Variants in ARAP2 observed in about 807,000 individuals in gnomAD.
The protein encoded by ARAP2 is ArfGAP with RhoGAP domain, ankyrin repeat and PH domain 2.
In ARAP2, 148 loss-of-function variants were observed where a neutral mutation model predicts 194.5. The observed-to-expected ratio is 0.76, with a 90% CI of 0.67 to 0.87. ARAP2 has a LOEUF of 0.87. Among genes scored for constraint, ARAP2 ranks in the 40% least tolerant of loss-of-function variants. The pLI is 0.00. For synonymous variants in ARAP2, 695 were observed against 683.5 expected (o/e 1.02, Z -0.26); for missense variants, 2,128 against 1,989.7 (o/e 1.07, Z -1.32).
At position 36,159,348 on chromosome 4, in the gene ARAP2, T is replaced by C. The variant is rs1183198240; in HGVS notation, c.2600A>G (p.Tyr867Cys). The change falls in exon 14 of 33, where the codon TAC (tyrosine) becomes TGC (cysteine). Residue 867 changes from tyrosine (Y) to cysteine (C), a missense_variant. By Grantham distance (194) the Tyr-to-Cys change is radical. Coordinates refer to ENST00000303965, the MANE Select transcript of ARAP2 (RefSeq NM_015230.4). ...AGQSLQMEFL[Y>C]HNKFSDFPQH... ...TGACGAACCTGAGAATTTGTTATGG[T>C]AGAGAAATTCCATTTGCAGACTTTG... The C allele has an allele frequency of 1.6e-5, 25 of 1,604,342 alleles. No individual in the cohort carries two copies. The highest frequency in any genetic ancestry group is 1.9e-5 in the Non-Finnish European group (22 of 1,174,292).
chr4:36,119,631 TCTAA>T lies in ARAP2; in HGVS notation c.3963+15_3963+18del. On this transcript the variant is annotated intron_variant, in intron 24 of 32. Transcript: ENST00000303965. ...TTTGTTTTGTTTAATTATTTAGAGA[TCTAA>T]CTATTACTACTCACTTGGGTGTCTT... 1 of 1,537,774 alleles carries T rather than the reference TCTAA, an allele frequency of 6.5e-7. No individual in the cohort carries two copies. The highest frequency in any genetic ancestry group is 9.0e-7 in the Non-Finnish European group (1 of 1,116,348).
chr4:36,133,193 C>G, intron 20 of ARAP2, 33 bp downstream of exon 20: 1 of 1,605,086 alleles, frequency 6.2e-7, no homozygotes, highest in East Asian at 2.2e-5. Context: ...ACAATCAGTT[C>G]TAAGGGTTGA....
At chr4:36,057,020 C>G (rs1389289426) in intron 2 of ARAP2, among the ~76,000 whole-genome samples, 3 of 149,504 alleles carry the variant, frequency 2.0e-5, no homozygotes. Flanking sequence ...ACCAATTTCT[C>G]TCTATCTAAA....
chr4:36,129,433 C>A (rs1233432018), intron 20 of ARAP2, among the ~76,000 whole-genome samples: 1 of 151,874 alleles, frequency 6.6e-6, no homozygotes, highest in Admixed American at 6.6e-5. Flanking sequence ...CTTCTCTGCC[C>A]AATCCCCATT....
chr4:36,229,856 CT>C (rs2109341912), intron 1 of ARAP2, among the ~76,000 whole-genome samples: 2 of 152,190 alleles, frequency 1.3e-5, no homozygotes, highest in Non-Finnish European at 2.9e-5. Context: ...CAAACTATGA[CT>C]TTCAAAAAGG....
chr4:36,083,328 C>T (rs745358491), intron 29 of ARAP2, 40 bp downstream of exon 29: 14 of 1,403,762 alleles, frequency 1.0e-5, no homozygotes, highest in Non-Finnish European at 9.9e-6. Flanking sequence ...ATATTTTTCC[C>T]ATAAGTTTTT....
intron 26 of ARAP2, among the ~76,000 whole-genome samples, chr4:36,111,794 C>A (rs370794037): frequency 6.6e-6 from 1 of 151,904 alleles, no homozygotes; most frequent in African/African-American, 2.4e-5. Flanking sequence ...ATATATAATT[C>A]CTTTCTATCC....
At chr4:36,086,085 T>C (rs1711722250) in intron 28 of ARAP2, among the ~76,000 whole-genome samples, 1 of 152,108 alleles carries the variant, frequency 6.6e-6, no homozygotes, top group South Asian at 2.1e-4. Flanking sequence ...CCTAGCCACC[T>C]GTGTCAGAGG....
chr4:36,212,813 G>A (rs1479742690), intron 4 of ARAP2, among the ~76,000 whole-genome samples: 2 of 151,574 alleles, frequency 1.3e-5, no homozygotes, highest in African/African-American at 4.8e-5. Flanking sequence ...TCAAGACCAA[G>A]AAATAAAGTA....
Position 36,128,548 on chromosome 4 carries a change from A to G in ARAP2, c.3625T>C (p.Trp1209Arg). 1 of 1,612,450 alleles carries G rather than the reference A, an allele frequency of 6.2e-7. No individual in the cohort carries two copies. The highest frequency in any genetic ancestry group is 8.5e-7 in the Non-Finnish European group (1 of 1,179,310). Residue 1209 changes from tryptophan (W) to arginine (R), a missense_variant, in exon 21 of 33, where the codon TGG (tryptophan) becomes CGG (arginine). By Grantham distance (101) the Trp-to-Arg change is moderately radical. Coordinates refer to ENST00000303965, the MANE Select transcript of ARAP2 (RefSeq NM_015230.4). Reference protein sequence around the residue: ...ALLTKELYPYWISALDTQDDK... With the variant: ...ALLTKELYPYRISALDTQDDK... The stretch of plus-strand genomic sequence containing the variant: ...TAAATATTACCTAAAGCAGAGATCC[A>G]ATATGGGTAGAGCTCCTTAGTAAGC...
intron 10 of ARAP2, 133 bp from the exon 11 acceptor site, chr4:36,165,246 G>A (rs1735012114): frequency 1.3e-6 from 1 of 769,366 alleles, no homozygotes; most frequent in Non-Finnish European, 2.1e-6. Context: ...GCAGTTCTGG[G>A]TTGTCTTTTC....
At chr4:36,014,718 T>C (rs1715468120) in intron 8 of ARAP2, among the ~76,000 whole-genome samples, 1 of 152,164 alleles carries the variant, frequency 6.6e-6, no homozygotes, top group African/African-American at 2.4e-5. Flanking sequence ...AATTCATATG[T>C]TGAAGTCCTA....
At chr4:36,089,543 T>C (rs920310086) in intron 28 of ARAP2, among the ~76,000 whole-genome samples, 2 of 152,096 alleles carry the variant, frequency 1.3e-5, no homozygotes, top group Non-Finnish European at 2.9e-5. Flanking sequence ...GATTTTACCC[T>C]TCCACCAACA....
At chr4:36,183,983 C>T (rs901068726) in intron 8 of ARAP2, among the ~76,000 whole-genome samples, 1 of 152,120 alleles carries the variant, frequency 6.6e-6, no homozygotes, top group African/African-American at 2.4e-5. Flanking sequence ...CAAAACTTTC[C>T]CCTTTTTGTT....
Position 36,229,511 on chromosome 4 carries a change from A to G in ARAP2, c.-25T>C. 6.4e-7 allele frequency: 1 copy of G among 1,552,228 alleles called. No individual in the cohort carries two copies. Among genetic ancestry groups the G allele is most frequent in the South Asian group, 1.2e-5 (1 of 82,442 alleles). ...TAATGGTGGCTTCATTACTAAGCTGAGTTACAAAAAGTGGCACGATGAGAC... is the reference window on the plus strand; with the variant it reads ...TAATGGTGGCTTCATTACTAAGCTGGGTTACAAAAAGTGGCACGATGAGAC... On this transcript the variant is annotated 5_prime_UTR_variant, in exon 2 of 33. Coordinates refer to ENST00000303965, the MANE Select transcript of ARAP2 (RefSeq NM_015230.4).
At chr4:36,035,437 T>C (rs1387955139) in intron 5 of ARAP2, among the ~76,000 whole-genome samples, 1 of 152,184 alleles carries the variant, frequency 6.6e-6, no homozygotes, top group Non-Finnish European at 1.5e-5. Context: ...TAATTGTATA[T>C]CTTCTGTTTT....
At chr4:36,138,015 C>G (rs549051093) in intron 19 of ARAP2, among the ~76,000 whole-genome samples, 2 of 151,730 alleles carry the variant, frequency 1.3e-5, no homozygotes, top group Non-Finnish European at 2.9e-5. Context: ...TGTACACTTA[C>G]ATTCTGCCTT....
intron 7 of ARAP2, chr4:36,015,723 A>G (rs1471895122): frequency 1.3e-5 from 2 of 152,204 alleles, no homozygotes; most frequent in African/African-American, 4.8e-5. Context: ...TAGCAAAGCA[A>G]GCCAAATTCA....
intron 6 of ARAP2, among the ~76,000 whole-genome samples, chr4:36,198,413 C>T (rs1743628398): frequency 6.6e-6 from 1 of 152,238 alleles, no homozygotes; most frequent in Non-Finnish European, 1.5e-5. Context: ...ACCTTTAGGC[C>T]CTCCCTGGCC....
Sources: gnomAD v4.1 joint callset for allele counts (sites outside exome capture counted in the v4.1 genomes callset) on GRCh38, gnomAD v4.1.1 for gene constraint, MANE v1.5 for transcripts, NCBI Gene and HGNC (gene_info 2026-07-23, HGNC 2026-07-21) for gene names.